Variants in MAP2 observed in about 807,000 individuals in gnomAD.
The protein encoded by MAP2 is microtubule-associated protein 2.
MAP2 carries 14 observed loss-of-function variants against 137.6 expected under a neutral mutation model. The ratio of observed to expected loss-of-function variants is 0.10; its 90% CI spans 0.07 to 0.16. The LOEUF is 0.16. Ranked by LOEUF, MAP2 falls within the 10% of genes least tolerant of loss-of-function variation. The pLI is 1.00. For missense variants in MAP2, 2,088 were observed against 2,191.5 expected (o/e 0.95, Z 0.94); for synonymous variants, 786 against 782.3 (o/e 1.00, Z -0.08).
At chr2:209,515,516 G>A (rs1345025253) in intron 2 of MAP2, among the ~76,000 whole-genome samples, 1 of 152,036 alleles carries the variant, frequency 6.6e-6, no homozygotes, top group Admixed American at 6.6e-5. Context: ...GAGTATGTGC[G>A]AGCACGATGA....
intron 3 of MAP2, among the ~76,000 whole-genome samples, chr2:209,617,681 C>T (rs2089951086): frequency 6.6e-6 from 1 of 151,992 alleles, no homozygotes; most frequent in South Asian, 2.1e-4. Context: ...GATTAGAGCC[C>T]TATCTTTATG....
At chr2:209,555,167 C>T (rs1375170274) in intron 2 of MAP2, among the ~76,000 whole-genome samples, 1 of 151,834 alleles carries the variant, frequency 6.6e-6, no homozygotes, top group African/African-American at 2.4e-5. Context: ...ATTTTATAAT[C>T]CTAGGTCTGA....
rs1051635848 is a variant in MAP2, at chr2:209,591,057, TTTTTG to T, written c.-107+10977_-107+10981del. ...TTTGTTTTTTGTTTGTTTGTTTTTG[TTTTTG>T]TTTTGTTTTGTTTTGTTTTTAAGCT... On this transcript the variant is annotated intron_variant, in intron 3 of 15. Coordinates refer to ENST00000682079, the MANE Select transcript of MAP2 (RefSeq NM_001375505.1). Among the ~76,000 whole-genome samples the T allele has an allele frequency of 9.0e-4, 137 of 152,326 alleles. 1 individual carries two copies. The highest frequency in any genetic ancestry group is 2.5e-3 in the African/African-American group (106 of 41,570).
intron 4 of MAP2, among the ~76,000 whole-genome samples, chr2:209,627,648 C>T (rs2092522176): frequency 6.6e-6 from 1 of 152,068 alleles, no homozygotes; most frequent in African/African-American, 2.4e-5. Context: ...CTGTTTGTCA[C>T]ATATATAGAA....
Position 209,692,851 on chromosome 2 carries a change from G to A in MAP2, c.681G>A (p.Gly227=), listed in dbSNP as rs139978953. The change falls in exon 8 of 16, where the codon GGG becomes GGA. Residue 227 remains glycine, a synonymous_variant. Transcript: ENST00000682079. ...EEEKAPLALF[G]HTLVASLEDM... ...AAAAAGCACCCCTAGCTTTGTTTGGGCACACTCTTGTTGCCAGCCTGGAAG... is the reference window on the plus strand; with the variant it reads ...AAAAAGCACCCCTAGCTTTGTTTGGACACACTCTTGTTGCCAGCCTGGAAG... The A allele has an allele frequency of 3.2e-5, 51 of 1,613,374 alleles. No individual in the cohort carries two copies. In the African/African-American group the frequency reaches 6.0e-4, roughly 19 times the overall value.
At chr2:209,547,906 T>C (rs1287911919) in intron 2 of MAP2, among the ~76,000 whole-genome samples, 1 of 152,186 alleles carries the variant, frequency 6.6e-6, no homozygotes, top group Non-Finnish European at 1.5e-5. Flanking sequence ...TACAATACAG[T>C]CAGTCTTTTT....
chr2:209,435,986 T>G (rs1023354237), intron 1 of MAP2, among the ~76,000 whole-genome samples: 2 of 88,906 alleles, frequency 2.2e-5, no homozygotes, highest in Admixed American at 1.1e-4. Flanking sequence ...ATATACAGTA[T>G]ATATTATATA....
At chr2:209,660,305 C>T (rs146848972) in intron 5 of MAP2, among the ~76,000 whole-genome samples, 4 of 151,640 alleles carry the variant, frequency 2.6e-5, no homozygotes, top group African/African-American at 9.7e-5. Context: ...CTTATAAAAT[C>T]TGGCCCTATA....
chr2:209,637,740 ATATGT>A (rs201495683), intron 4 of MAP2, among the ~76,000 whole-genome samples: 3,268 of 152,250 alleles, frequency 0.021, 34 homozygotes, highest in Non-Finnish European at 0.034. Flanking sequence ...AATGTTAAAC[ATATGT>A]TAGGTTTAAT....
intron 1 of MAP2, among the ~76,000 whole-genome samples, chr2:209,497,956 A>G (rs2059947590): frequency 6.6e-6 from 1 of 152,182 alleles, no homozygotes; most frequent in Admixed American, 6.5e-5. Context: ...TCCTTCTCAC[A>G]TTGCAAAATA....
At chr2:209,600,785 G>A (rs1182697916) in intron 3 of MAP2, among the ~76,000 whole-genome samples, 2 of 152,158 alleles carry the variant, frequency 1.3e-5, no homozygotes, top group African/African-American at 4.8e-5. Flanking sequence ...CCAGGTGTTA[G>A]CGCTGCTAGG....
rs118098965 is a variant in MAP2, at chr2:209,729,072, G to A, written c.5156-778G>A. On this transcript the variant is annotated intron_variant, in intron 14 of 15. Transcript: ENST00000682079. ...CCATATTTGAGAGCTTGAGAAAGAC[G>A]TGTAGAGATGGGGAAGACTACACTG... is the stretch of plus-strand genomic sequence containing the variant. Among the ~76,000 whole-genome samples, 20 of 152,342 alleles carry A rather than the reference G, an allele frequency of 1.3e-4. No individual in the cohort carries two copies. In the East Asian group the frequency reaches 2.5e-3, roughly 19 times the overall value.
chr2:209,432,785 A>G (rs1291259834), intron 1 of MAP2, among the ~76,000 whole-genome samples: 1 of 152,178 alleles, frequency 6.6e-6, no homozygotes, highest in African/African-American at 2.4e-5. Context: ...AAGTGTCTTT[A>G]TGTGGTACAG....
At chr2:209,729,267 A>G (rs992807122) in intron 14 of MAP2, among the ~76,000 whole-genome samples, 2 of 152,198 alleles carry the variant, frequency 1.3e-5, no homozygotes, top group Admixed American at 1.3e-4. Context: ...GTCACTCCAT[A>G]TATGAAACGG....
At chr2:209,654,319 C>T (rs537488969) in intron 5 of MAP2, among the ~76,000 whole-genome samples, 4 of 152,108 alleles carry the variant, frequency 2.6e-5, no homozygotes, top group Non-Finnish European at 5.9e-5. Context: ...CTGATAAAAG[C>T]AAGTACCCTG....
At chr2:209,440,315 G>A (rs1697442767) in intron 1 of MAP2, among the ~76,000 whole-genome samples, 1 of 151,410 alleles carries the variant, frequency 6.6e-6, no homozygotes, top group African/African-American at 2.4e-5. Context: ...AAAAGGAAAT[G>A]GTGAGTACTT....
intron 2 of MAP2, among the ~76,000 whole-genome samples, chr2:209,515,705 G>A (rs1330009752): frequency 6.6e-6 from 1 of 152,080 alleles, no homozygotes; most frequent in Admixed American, 6.6e-5. Flanking sequence ...ATATCAGTAG[G>A]TATTTGGAAC....
Position 209,732,683 on chromosome 2 carries a change from AT to A in MAP2, c.*2288del, listed in dbSNP as rs1453491049. ...CTGTGAAATAAGTATTTTTCTCAAC[AT>A]TCTTTAAAGTTTTTATATAAGTTAA... On this transcript the variant is annotated 3_prime_UTR_variant, in exon 16 of 16. Coordinates refer to ENST00000682079, the MANE Select transcript of MAP2 (RefSeq NM_001375505.1). The A allele has an allele frequency of 1.3e-5, 2 of 152,642 alleles. No homozygotes were observed. The highest frequency in any genetic ancestry group is 2.4e-5 in the African/African-American group (1 of 41,468). 9.5% of individuals were successfully genotyped at this position (152,642 alleles called of 1,614,324 possible). A position where few individuals can be genotyped will look rare whatever the true frequency, so the allele number is the denominator to read the frequency against.
At chr2:209,524,073 T>C (rs1356945356) in intron 2 of MAP2, among the ~76,000 whole-genome samples, 1 of 152,142 alleles carries the variant, frequency 6.6e-6, no homozygotes, top group Non-Finnish European at 1.5e-5. Context: ...AACAATTTAG[T>C]GCATCAAAAA....
Sources: allele counts gnomAD v4.1 joint callset (sites outside exome capture counted in the v4.1 genomes callset), GRCh38; gene constraint gnomAD v4.1.1; transcripts MANE v1.5; gene names NCBI Gene and HGNC (gene_info 2026-07-23, HGNC 2026-07-21).